BRCA2: variants seen among roughly 807,000 people sequenced by gnomAD.
BRCA2 encodes breast cancer type 2 susceptibility protein.
Under a neutral mutation model 276.7 loss-of-function variants are expected in BRCA2, and 203 were observed. That is an observed-to-expected ratio of 0.73 (90% CI 0.65 to 0.82). The LOEUF (loss-of-function observed/expected upper bound fraction) is 0.82, where lower values mean the gene tolerates loss of function less well. Ranked by LOEUF, BRCA2 falls within the 40% of genes least tolerant of loss-of-function variation. BRCA2 has a pLI of 0.00. For missense variants in BRCA2, 3,920 were observed against 3,915.0 expected, an observed-to-expected ratio of 1.00 and a Z score of -0.03; for synonymous variants, 1,289 against 1,338.4, an observed-to-expected ratio of 0.96 and a Z score of 0.81.
intron 13 of BRCA2, among the ~76,000 whole-genome samples, chr13:32,349,479 T>G (rs1289182574): frequency 6.6e-6 from 1 of 152,068 alleles, no homozygotes; most frequent in African/African-American, 2.4e-5. Context: ...TCATTTCTTA[T>G]CTTTAGAATT....
rs397507416 is a variant in BRCA2 at position 32,379,812 on chromosome 13, T to G, written c.9016T>G (p.Tyr3006Asp). Residue 3006 changes from tyrosine to aspartate, a missense_variant, in exon 23 of 27, where the codon TAC (tyrosine) becomes GAC (aspartate). Transcript: ENST00000380152. ...LYSLLTEGKR[Y>D]RIYHLATSKS... ...TTCTCTGTTAACAGAAGGAAAGAGA[T>G]ACAGAATTTATCATCTTGCAACTTC... 1 of 1,612,392 alleles carries G rather than the reference T, an allele frequency of 6.2e-7. No individual in the cohort carries two copies. Among genetic ancestry groups the G allele is most frequent in the African/African-American group, 1.3e-5 (1 of 75,006 alleles).
chr13:32,380,756 A>G (rs2072919663), intron 24 of BRCA2, among the ~76,000 whole-genome samples: 1 of 151,606 alleles, frequency 6.6e-6, no homozygotes. Context: ...TAACCAGGAT[A>G]GTCTAAATCT....
intron 13 of BRCA2, among the ~76,000 whole-genome samples, chr13:32,351,894 T>C (rs575001676): frequency 5.3e-5 from 8 of 152,082 alleles, no homozygotes; most frequent in Non-Finnish European, 8.8e-5. Flanking sequence ...CTCTGCCTCC[T>C]AGGTTCAAGC....
chr13:32,337,810 T>G lies in BRCA2; in HGVS notation c.3455T>G (p.Leu1152Ter), dbSNP rs80358593. 1.2e-6 allele frequency: 2 copies of G among 1,614,094 alleles called. No individual in the cohort carries two copies. The highest frequency in any genetic ancestry group is 2.2e-5 in the South Asian group (2 of 91,084). ...GTGCCTGAAAACCAGATGACTATCT[T>G]AAAGACCACTTCTGAGGAATGCAGA... ...FEVPENQMTI[L>*]KTTSEECRDA... Residue 1152 changes from leucine (L) to a stop codon, truncating the protein, a stop_gained, in exon 11 of 27, where the codon TTA becomes TGA. Transcript: ENST00000380152. LOFTEE classifies it high-confidence loss of function.
chr13:32,363,439 C>G lies in BRCA2; in HGVS notation c.8237C>G (p.Thr2746Arg), dbSNP rs2072759615. The stretch of plus-strand genomic sequence containing the variant: ...GCTGTCTTAAAGAATGGCAGACTGA[C>G]AGTTGGTCAGAAGATTATTCTTCAT... ...LLAVLKNGRL[T>R]VGQKIILHGA... The change falls in exon 18 of 27, where the codon ACA (threonine) becomes AGA (arginine). Residue 2746 changes from threonine (T) to arginine (R), a missense_variant. By Grantham distance (71) the Thr-to-Arg change is moderately conservative. Around this residue, in one of 2 missense-constraint regions of BRCA2, gnomAD observed 3,263 missense variants for 3,156.9 expected, o/e 1.03. Coordinates refer to ENST00000380152, the MANE Select transcript of BRCA2 (RefSeq NM_000059.4). 6.2e-7 allele frequency: 1 copy of G among 1,614,136 alleles called. No homozygotes were observed. Among genetic ancestry groups the G allele is most frequent in the Non-Finnish European group, 8.5e-7 (1 of 1,180,018 alleles).
At position 32,338,682 on chromosome 13, in the gene BRCA2, T is replaced by C. The variant is rs1555283725; in HGVS notation, c.4327T>C (p.Phe1443Leu). Residue 1443 changes from phenylalanine (F) to leucine (L), a missense_variant, in exon 11 of 27, where the codon TTT becomes CTT. By Grantham distance (22) the Phe-to-Leu change is conservative. Around this residue, in one of 2 missense-constraint regions of BRCA2, gnomAD observed 3,263 missense variants for 3,156.9 expected, o/e 1.03. Coordinates refer to ENST00000380152, the MANE Select transcript of BRCA2 (RefSeq NM_000059.4). ...GKNISVAKES[F>L]NKIVNFFDQK... ...AAATATTAGTGTCGCCAAAGAGTCATTTAATAAAATTGTAAATTTCTTTGA... is the reference window on the plus strand; with the variant it reads ...AAATATTAGTGTCGCCAAAGAGTCACTTAATAAAATTGTAAATTTCTTTGA... The C allele has an allele frequency of 6.3e-7, 1 of 1,593,314 alleles. No individual in the cohort carries two copies. The highest frequency in any genetic ancestry group is 8.6e-7 in the Non-Finnish European group (1 of 1,167,546).
Position 32,356,473 on chromosome 13 carries a change from G to A in BRCA2, c.7481G>A (p.Arg2494Gln), listed in dbSNP as rs80358973. ...LQNARDIQDM[R>Q]IKKKQRQRVF... ...AATGCCAGAGATATACAGGATATGC[G>A]AATTAAGAAGAAACAAAGGCAACGC... is the stretch of plus-strand genomic sequence containing the variant. The change falls in exon 15 of 27, where the codon CGA (arginine) becomes CAA (glutamine). Residue 2494 changes from arginine to glutamine, a missense_variant. Physicochemically the swap from Arg to Gln is conservative, Grantham distance 43. Coordinates refer to ENST00000380152, the MANE Select transcript of BRCA2 (RefSeq NM_000059.4). 9.9e-6 allele frequency: 16 copies of A among 1,614,086 alleles called. 1 individual carries two copies. Among genetic ancestry groups the A allele is most frequent in the Middle Eastern group, 3.3e-4 (2 of 6,062 alleles).
chr13:32,353,903 T>C (rs2072669271), intron 13 of BRCA2, among the ~76,000 whole-genome samples: 1 of 152,208 alleles, frequency 6.6e-6, no homozygotes, highest in South Asian at 2.1e-4. Flanking sequence ...TGATGCTATA[T>C]GTAGTGTAAA....
In BRCA2 at chr13:32,370,994, C is replaced by T. The variant is rs1480428513; in HGVS notation, c.8526C>T (p.Arg2842=). 1.2e-6 allele frequency: 2 copies of T among 1,613,826 alleles called. No homozygotes were observed. The highest frequency in any genetic ancestry group is 1.3e-5 in the African/African-American group (1 of 74,852). ...EKTSSGLYIF[R]NEREEEKEAA... ...CATCATCTGGATTATACATATTTCG[C>T]AATGAAAGAGAGGAAGAAAAGGAAG... The change falls in exon 20 of 27, where the codon CGC becomes CGT. Residue 2842 remains arginine, a synonymous_variant. Transcript: ENST00000380152.
Position 32,332,738 on chromosome 13 carries a change from C to T in BRCA2, c.1260C>T (p.Asp420=), listed in dbSNP as rs779677234. 1 of 1,609,762 alleles carries T rather than the reference C, an allele frequency of 6.2e-7. No individual in the cohort carries two copies. The highest frequency in any genetic ancestry group is 1.1e-5 in the South Asian group (1 of 89,918). ...CCCTATTGCATATTTCTTCATGTGA[C>T]CAAAATATTTCAGAAAAAGACCTAT... ...KIPLLHISSC[D]QNISEKDLLD... is the part of the protein sequence containing the mutation. Residue 420 remains aspartate, a synonymous_variant, in exon 10 of 27, where the codon GAC becomes GAT. Transcript: ENST00000380152.
At chr13:32,365,949 C>T (rs1339995958) in intron 18 of BRCA2, among the ~76,000 whole-genome samples, 1 of 151,518 alleles carries the variant, frequency 6.6e-6, no homozygotes, top group African/African-American at 2.4e-5. Context: ...TGTCTTTTCT[C>T]CTACTTTCTA....
At chr13:32,364,282 C>G (rs539945456) in intron 18 of BRCA2, among the ~76,000 whole-genome samples, 1 of 151,996 alleles carries the variant, frequency 6.6e-6, no homozygotes, top group Non-Finnish European at 1.5e-5. Flanking sequence ...TTTGGAAACT[C>G]AAGTAATATA....
chr13:32,370,478 T>G lies in BRCA2; in HGVS notation c.8408T>G (p.Leu2803Arg). ...GFFPDPRPFP[L>R]PLSSLFSDGG... is the part of the protein sequence containing the mutation. ...TTTCCTGACCCTAGACCTTTTCCTC[T>G]GCCCTTATCATCGCTTTTCAGTGAT... Residue 2803 changes from leucine (L) to arginine (R), a missense_variant, in exon 19 of 27, where the codon CTG becomes CGG. Physicochemically the swap from Leu to Arg is moderately radical, Grantham distance 102. Around this residue, in one of 2 missense-constraint regions of BRCA2, gnomAD observed 657 missense variants for 758.2 expected, o/e 0.87. Transcript: ENST00000380152. 1 of 1,613,924 alleles carries G rather than the reference T, an allele frequency of 6.2e-7. No individual in the cohort carries two copies. Among genetic ancestry groups the G allele is most frequent in the South Asian group, 1.1e-5 (1 of 91,066 alleles).
rs375790538 is a variant in BRCA2 at position 32,330,972 on chromosome 13, A to C, written c.735A>C (p.Arg245Ser). Reference sequence around the variant, plus strand: ...ATGAAAGTCTGAAGAAAAATGATAGATTTATCGCTTCTGTGACAGACAGTG... The same window carrying C: ...ATGAAAGTCTGAAGAAAAATGATAGCTTTATCGCTTCTGTGACAGACAGTG... The part of the protein sequence containing the change: ...NHDESLKKND[R>S]FIASVTDSEN... The change falls in exon 9 of 27, where the codon AGA becomes AGC. Residue 245 changes from arginine to serine, a missense_variant. By Grantham distance (110) the Arg-to-Ser change is moderately radical (BLOSUM62 -1). Coordinates refer to ENST00000380152, the MANE Select transcript of BRCA2 (RefSeq NM_000059.4). The C allele has an allele frequency of 9.3e-6, 15 of 1,613,712 alleles. No homozygotes were observed. The African/African-American group carries it at 1.7e-4, about 19-fold the overall frequency.
intron 8 of BRCA2, among the ~76,000 whole-genome samples, chr13:32,330,709 G>A (rs1270109209): frequency 2.0e-5 from 3 of 152,010 alleles, no homozygotes. Flanking sequence ...CATCCTAGTG[G>A]TGCAAGATTT....
At chr13:32,356,251 G>A (rs2072693422) in intron 14 of BRCA2, among the ~76,000 whole-genome samples, 177 bp from the exon 15 acceptor site, 3 of 150,988 alleles carry the variant, frequency 2.0e-5, no homozygotes, top group African/African-American at 7.3e-5. Context: ...TTTTTGTTTA[G>A]TAGAGACAGG....
chr13:32,378,957 A>G (rs959937907), intron 21 of BRCA2, among the ~76,000 whole-genome samples: 2 of 152,204 alleles, frequency 1.3e-5, no homozygotes, highest in African/African-American at 4.8e-5. Context: ...CACAGAAACA[A>G]TGATATTACC....
rs730881554 is a variant in BRCA2 at position 32,319,116 on chromosome 13, C to T, written c.107C>T (p.Ser36Phe). The change falls in exon 3 of 27, where the codon TCT becomes TTT. Residue 36 changes from serine (S) to phenylalanine (F), a missense_variant. Around this residue, in one of 2 missense-constraint regions of BRCA2, gnomAD observed 3,263 missense variants for 3,156.9 expected, o/e 1.03. Transcript: ENST00000380152. ...PISLNWFEEL[S>F]SEAPPYNSEP... ...AGTCTTAATTGGTTTGAAGAACTTT[C>T]TTCAGAAGCTCCACCCTATAATTCT... 1.2e-6 allele frequency: 2 copies of T among 1,613,112 alleles called. No individual in the cohort carries two copies. The highest frequency in any genetic ancestry group is 8.5e-7 in the Non-Finnish European group (1 of 1,179,286).
rs1060502449 is a variant in BRCA2, at chr13:32,337,461, G to T, written c.3106G>T (p.Glu1036Ter). The part of the protein sequence containing the change: ...KSKMFFKDIE[E>*]QYPTSLACVE... The stretch of plus-strand genomic sequence containing the variant: ...CAAAATGTTCTTCAAAGATATTGAA[G>T]AACAATATCCTACTAGTTTAGCTTG... The change falls in exon 11 of 27, where the codon GAA becomes TAA. Residue 1036 changes from glutamate (E) to a stop codon, truncating the protein, a stop_gained. Transcript: ENST00000380152. LOFTEE classifies it high-confidence loss of function. The T allele has an allele frequency of 6.2e-7, 1 of 1,612,210 alleles. No individual in the cohort carries two copies. The highest frequency in any genetic ancestry group is 1.1e-5 in the South Asian group (1 of 90,734).
Sources: allele counts gnomAD v4.1 joint callset (sites outside exome capture counted in the v4.1 genomes callset), GRCh38; gene constraint gnomAD v4.1.1; regional missense constraint gnomAD v4.1.1; transcripts MANE v1.5; gene names NCBI Gene and HGNC (gene_info 2026-07-23, HGNC 2026-07-21).